Variants in DAPK1 observed in about 807,000 individuals in gnomAD.
DAPK1 encodes the protein death associated protein kinase 1.
Under a neutral mutation model 144.9 loss-of-function variants are expected in DAPK1, and 56 were observed. That is an observed-to-expected ratio of 0.39 (90% CI 0.31 to 0.48). DAPK1 has a LOEUF of 0.48. Ranked by LOEUF, DAPK1 falls within the 20% of genes least tolerant of loss-of-function variation. DAPK1 has a pLI of 0.95. For synonymous variants in DAPK1, 690 were observed against 749.0 expected (o/e 0.92, Z 1.29); for missense variants, 1,454 against 1,875.4 (o/e 0.78, Z 4.15).
chr9:87,634,843 A>G (rs926796018), intron 3 of DAPK1, among the ~76,000 whole-genome samples: 2 of 152,016 alleles, frequency 1.3e-5, no homozygotes, highest in African/African-American at 4.8e-5. Context: ...CACCTCGGGA[A>G]TGGGCTCTAC....
chr9:87,533,044 G>A (rs1172145209), intron 2 of DAPK1, among the ~76,000 whole-genome samples: 1 of 152,122 alleles, frequency 6.6e-6, no homozygotes, highest in Non-Finnish European at 1.5e-5. Flanking sequence ...TAAAAGGTGG[G>A]AGTTAAAAGC....
At chr9:87,643,546 A>G (rs1198848225) in intron 11 of DAPK1, 78 bp downstream of exon 11, 15 of 951,206 alleles carry the variant, frequency 1.6e-5, no homozygotes, top group South Asian at 1.0e-4. Context: ...TATTTGTTCA[A>G]CCTCCCAGGA....
At chr9:87,519,013 G>A (rs1325825272) in intron 2 of DAPK1, among the ~76,000 whole-genome samples, 1 of 152,232 alleles carries the variant, frequency 6.6e-6, no homozygotes, top group Non-Finnish European at 1.5e-5. Flanking sequence ...TTCGCAAGAG[G>A]TGCTCCTTGG....
Position 87,652,138 on chromosome 9 carries a change from C to T in DAPK1, c.1824+414C>T, listed in dbSNP as rs142084462. On this transcript the variant is annotated intron_variant, in intron 17 of 25. Coordinates refer to ENST00000408954, the MANE Select transcript of DAPK1 (RefSeq NM_004938.4). Reference sequence around the variant, plus strand: ...GGTCCTGATTCTGTGTCCATTCCCCCGATCCTGGGTCCTGATTCTGTGTCC... The same window carrying T: ...GGTCCTGATTCTGTGTCCATTCCCCTGATCCTGGGTCCTGATTCTGTGTCC... Among the ~76,000 whole-genome samples the T allele has an allele frequency of 2.0e-3, 231 of 113,520 alleles. 3 individuals carry two copies. The highest frequency in any genetic ancestry group is 7.7e-3 in the African/African-American group (221 of 28,536). 74.5% of individuals were successfully genotyped at this position (113,520 alleles called of 152,430 possible).
At chr9:87,616,398 A>G (rs1352226375) in intron 3 of DAPK1, among the ~76,000 whole-genome samples, 1 of 152,222 alleles carries the variant, frequency 6.6e-6, no homozygotes, top group Non-Finnish European at 1.5e-5. Context: ...GAAGAACAGC[A>G]GGATCTGAAA....
chr9:87,705,887 C>T (rs1240466368), intron 25 of DAPK1, among the ~76,000 whole-genome samples: 2 of 151,752 alleles, frequency 1.3e-5, no homozygotes, highest in Non-Finnish European at 2.9e-5. Context: ...TCTTTCATTT[C>T]GCTGGCCTTT....
chr9:87,607,355 A>T (rs1828767642), intron 3 of DAPK1, among the ~76,000 whole-genome samples: 1 of 152,124 alleles, frequency 6.6e-6, no homozygotes, highest in Non-Finnish European at 1.5e-5. Context: ...ACAAATCACA[A>T]CTATTCTGCC....
At chr9:87,639,594 A>G in intron 5 of DAPK1, 56 bp from the exon 6 acceptor site, 4 of 1,612,466 alleles carry the variant, frequency 2.5e-6, no homozygotes, top group South Asian at 2.2e-5. Flanking sequence ...TTGCATGAAG[A>G]TAGAATCGGT....
chr9:87,661,505 A>G (rs1830846792), intron 18 of DAPK1, among the ~76,000 whole-genome samples: 1 of 152,138 alleles, frequency 6.6e-6, no homozygotes, highest in South Asian at 2.1e-4. Flanking sequence ...TGACTTTTTA[A>G]TAATGGCCAT....
At chr9:87,636,717 T>A (rs912134817) in intron 3 of DAPK1, among the ~76,000 whole-genome samples, 13 of 152,174 alleles carry the variant, frequency 8.5e-5, no homozygotes, top group African/African-American at 2.9e-4. Flanking sequence ...AGGTATAATG[T>A]TTGGGGAGCG....
chr9:87,638,684 G>A (rs1225624806), intron 4 of DAPK1, among the ~76,000 whole-genome samples: 1 of 152,210 alleles, frequency 6.6e-6, no homozygotes, highest in Non-Finnish European at 1.5e-5. Flanking sequence ...GTCTGGTAAA[G>A]CAGCGCGTGC....
At chr9:87,537,298 T>G (rs1825892586) in intron 2 of DAPK1, among the ~76,000 whole-genome samples, 1 of 152,150 alleles carries the variant, frequency 6.6e-6, no homozygotes, top group Admixed American at 6.6e-5. Flanking sequence ...TATGAGGTTT[T>G]CATGTGTTTT....
chr9:87,651,826 C>G (rs1018697085), intron 17 of DAPK1, 102 bp downstream of exon 17: 17 of 942,518 alleles, frequency 1.8e-5, no homozygotes, highest in Non-Finnish European at 2.2e-5. Context: ...GGTCCTGATT[C>G]TGTGTCCTCC....
intron 19 of DAPK1, among the ~76,000 whole-genome samples, chr9:87,671,477 C>T (rs1320717736): frequency 1.3e-5 from 2 of 150,938 alleles, no homozygotes; most frequent in Non-Finnish European, 2.9e-5. Context: ...AAGGAGAGGT[C>T]AAGGAAAAGA....
chr9:87,701,301 T>G (rs2118069736), intron 24 of DAPK1, among the ~76,000 whole-genome samples: 1 of 152,296 alleles, frequency 6.6e-6, no homozygotes, highest in Middle Eastern at 3.4e-3. Flanking sequence ...GGATTAAAGC[T>G]TTTAAGTAAA....
At chr9:87,616,357 A>C (rs184328508) in intron 3 of DAPK1, among the ~76,000 whole-genome samples, 265 of 152,344 alleles carry the variant, frequency 1.7e-3, no homozygotes, top group Non-Finnish European at 3.1e-3. Flanking sequence ...TGCTTGGCCC[A>C]ATACATGGAT....
chr9:87,545,409 G>T (rs1317954249), intron 2 of DAPK1, among the ~76,000 whole-genome samples: 1 of 152,098 alleles, frequency 6.6e-6, no homozygotes, highest in Non-Finnish European at 1.5e-5. Context: ...CCACAAGCAA[G>T]AACTCTAAGT....
chr9:87,645,780 G>A (rs969112806), intron 11 of DAPK1, 115 bp from the exon 12 acceptor site: 2 of 1,367,448 alleles, frequency 1.5e-6, no homozygotes, highest in Non-Finnish European at 2.0e-6. Context: ...GGAGTAAATG[G>A]CTTACTTTCC....
At chr9:87,509,615 C>A (rs1349022798) in intron 2 of DAPK1, among the ~76,000 whole-genome samples, 1 of 152,166 alleles carries the variant, frequency 6.6e-6, no homozygotes, top group Non-Finnish European at 1.5e-5. Flanking sequence ...CCGCCTCGGC[C>A]CCCCACAATG....
Sources: allele counts gnomAD v4.1 joint callset (sites outside exome capture counted in the v4.1 genomes callset), GRCh38; gene constraint gnomAD v4.1.1; transcripts MANE v1.5; gene names NCBI Gene and HGNC (gene_info 2026-07-23, HGNC 2026-07-21).